The following OTC variants were observed in gnomAD, a reference collection of about 807,000 sequenced individuals.
OTC encodes the protein ornithine transcarbamylase.
Under a neutral mutation model 30.3 loss-of-function variants are expected in OTC, and 3 were observed. The observed-to-expected ratio is 0.10, with a 90% CI of 0.05 to 0.26. The LOEUF (loss-of-function observed/expected upper bound fraction) is 0.26. OTC is among the 10% of genes least tolerant of loss of function. The probability of loss-of-function intolerance (pLI) is 1.00; values close to 1 mark genes in which losing one functional copy is unlikely to be tolerated. For synonymous variants in OTC, 111 were observed against 99.7 expected, an observed-to-expected ratio of 1.11 and a Z score of -0.67; for missense variants, 194 against 260.3, an observed-to-expected ratio of 0.75 and a Z score of 1.75.
At chrX:38,391,954 T>C (rs1050252744) in intron 4 of OTC, among the ~76,000 whole-genome samples, 14 of 112,094 alleles carry the variant, frequency 1.2e-4, no homozygotes, top group African/African-American at 4.5e-4. Context: ...GATACCACCA[T>C]CATCCAGAAA....
At chrX:38,335,538 T>C in the OTC span, among the ~76,000 whole-genome samples, 1 of 112,640 alleles carries the variant, frequency 8.9e-6, no homozygotes, top group African/African-American at 3.2e-5. Flanking sequence ...ATTGCAAATA[T>C]GGCACAGCTG....
the OTC span, among the ~76,000 whole-genome samples, chrX:38,343,769 C>A: frequency 8.9e-6 from 1 of 111,928 alleles, no homozygotes; most frequent in Non-Finnish European, 1.9e-5. Context: ...AAGAGAGAAG[C>A]GAGATTATAC....
the OTC span, among the ~76,000 whole-genome samples, chrX:38,328,380 A>G: frequency 8.9e-6 from 1 of 112,493 alleles, no homozygotes; most frequent in African/African-American, 3.2e-5. Context: ...TTACACAAAT[A>G]ATCATTTACT....
intron 8 of OTC, among the ~76,000 whole-genome samples, chrX:38,410,047 T>A (rs1392544950): frequency 1.8e-5 from 2 of 111,695 alleles, no homozygotes; most frequent in Non-Finnish European, 3.8e-5. Flanking sequence ...TACTTATTTA[T>A]TTATTATTAT....
At chrX:38,344,895 TAA>T in the OTC span, among the ~76,000 whole-genome samples, 3 of 95,558 alleles carry the variant, frequency 3.1e-5, no homozygotes, top group African/African-American at 3.8e-5. Flanking sequence ...ACAATTCAAG[TAA>T]AAAAAAAAAA....
At chrX:38,379,193 A>C (rs1295161134) in intron 3 of OTC, among the ~76,000 whole-genome samples, 1 of 111,577 alleles carries the variant, frequency 9.0e-6, no homozygotes, top group African/African-American at 3.3e-5. Context: ...CTCTAGGCAA[A>C]CTGTCTTCTT....
intron 4 of OTC, among the ~76,000 whole-genome samples, chrX:38,389,554 A>G (rs2068420770): frequency 8.9e-6 from 1 of 112,075 alleles, no homozygotes; most frequent in Non-Finnish European, 1.9e-5. Flanking sequence ...ATAAATTGGT[A>G]CCTAATGGGA....
Position 38,367,106 on chromosome X carries a change from A to T in OTC, c.78-185A>T, listed in dbSNP as rs2068299838. Among the ~76,000 whole-genome samples the T allele has an allele frequency of 2.8e-5, 3 of 108,049 alleles. No individual in the cohort carries two copies. In the Admixed American group the frequency reaches 3.0e-4, roughly 11 times the overall value. 93.8% of individuals were successfully genotyped at this position (108,049 alleles called of 115,157 possible). A position where few individuals can be genotyped will look rare whatever the true frequency, so the allele number is the denominator to read the frequency against. ...AGCAGGAGAATCGCTTGAACCTGGG[A>T]GGCAGAGGCTGCAGTGAACTGAGAT... On this transcript the variant is annotated intron_variant, in intron 1 of 9. Transcript: ENST00000039007.
intron 3 of OTC, among the ~76,000 whole-genome samples, chrX:38,371,968 T>G (rs2068324945): frequency 8.9e-6 from 1 of 112,144 alleles, no homozygotes; most frequent in Non-Finnish European, 1.9e-5. Flanking sequence ...ATTTTTGTTT[T>G]TACCGTTAGT....
chrX:38,404,659 G>A (rs373592063), intron 6 of OTC, among the ~76,000 whole-genome samples: 3 of 111,727 alleles, frequency 2.7e-5, no homozygotes, highest in African/African-American at 6.5e-5. Flanking sequence ...GCACACCACC[G>A]TGGGGATTTG....
the OTC span, among the ~76,000 whole-genome samples, chrX:38,331,535 C>T: frequency 1.1e-4 from 11 of 104,335 alleles, no homozygotes; most frequent in African/African-American, 1.4e-4. Context: ...CCGCCCACGT[C>T]GGCCTCCCAA....
intron 1 of OTC, among the ~76,000 whole-genome samples, chrX:38,362,488 A>G: frequency 8.9e-6 from 1 of 111,973 alleles, no homozygotes; most frequent in South Asian, 3.7e-4. Flanking sequence ...TCCAAGGGAA[A>G]AATATTGAAA....
At chrX:38,355,600 T>G (rs1401501389) in intron 1 of OTC, among the ~76,000 whole-genome samples, 3 of 112,504 alleles carry the variant, frequency 2.7e-5, no homozygotes, top group Admixed American at 9.4e-5. Context: ...TTATGCTCCC[T>G]TCGTCTCTCA....
At chrX:38,336,018 C>A in the OTC span, among the ~76,000 whole-genome samples, 6 of 111,088 alleles carry the variant, frequency 5.4e-5, no homozygotes, top group Non-Finnish European at 1.1e-4. Flanking sequence ...GCATATCAAC[C>A]AGGTTTCCAA....
chrX:38,366,478 G>T (rs777144905), intron 1 of OTC, among the ~76,000 whole-genome samples: 10 of 111,552 alleles, frequency 9.0e-5, no homozygotes, highest in African/African-American at 3.2e-4. Flanking sequence ...GGGAAAATAC[G>T]AAATTATTTT....
At chrX:38,378,601 A>G (rs909373839) in intron 3 of OTC, among the ~76,000 whole-genome samples, 3 of 112,054 alleles carry the variant, frequency 2.7e-5, no homozygotes, top group Non-Finnish European at 5.6e-5. Flanking sequence ...TATCTTGTTT[A>G]CAATGCTTTC....
upstream of OTC, among the ~76,000 whole-genome samples, chrX:38,349,773 G>T (rs6609582): frequency 0.29 from 31,772 of 111,457 alleles, 3,610 homozygotes; most frequent in East Asian, 0.6. Flanking sequence ...GTGGGTATTT[G>T]CATTAAGAAG....
chrX:38,365,662 C>T (rs2068292042), intron 1 of OTC, among the ~76,000 whole-genome samples: 1 of 112,389 alleles, frequency 8.9e-6, no homozygotes, highest in Non-Finnish European at 1.9e-5. Flanking sequence ...TCAAGCCCAA[C>T]AAAATGGCTC....
chrX:38,421,096 G>A lies in OTC; in HGVS notation c.*14G>A. ...CCTAAATTTTGATGTTGTGTTACTT[G>A]TCAAGAAAGAAGCAATGTTCTTCAG... On this transcript the variant is annotated 3_prime_UTR_variant, in exon 10 of 10. Transcript: ENST00000039007. 1.8e-6 allele frequency: 2 copies of A among 1,142,077 alleles called. No individual in the cohort carries two copies. Among genetic ancestry groups the A allele is most frequent in the Non-Finnish European group, 1.2e-6 (1 of 832,381 alleles). The allele number at this position is 1,142,077 out of a possible 1,213,427, so 94.1% of individuals were successfully genotyped here.
Sources: allele counts gnomAD v4.1 joint callset (sites outside exome capture counted in the v4.1 genomes callset), GRCh38; gene constraint gnomAD v4.1.1; transcripts MANE v1.5; gene names NCBI Gene and HGNC (gene_info 2026-07-23, HGNC 2026-07-21).